IMMP2L: variants seen among roughly 807,000 people sequenced by gnomAD.
IMMP2L encodes the protein mitochondrial inner membrane protease subunit 2.
A neutral mutation model predicts 19.3 loss-of-function variants in IMMP2L; 18 were observed. That is an observed-to-expected ratio of 0.93 (90% CI 0.64 to 1.38). IMMP2L has a LOEUF of 1.38. Ranked by LOEUF, IMMP2L falls within the 40% of genes most tolerant of loss-of-function variation. The probability of loss-of-function intolerance (pLI) is 0.00; values close to 1 mark genes in which losing one functional copy is unlikely to be tolerated. For synonymous variants in IMMP2L, 76 were observed against 73.0 expected (o/e 1.04, Z -0.21); for missense variants, 233 against 218.2 (o/e 1.07, Z -0.43).
intron 5 of IMMP2L, among the ~76,000 whole-genome samples, chr7:110,788,603 C>T (rs989611008): frequency 2.0e-5 from 3 of 151,664 alleles, no homozygotes; most frequent in African/African-American, 7.3e-5. Context: ...AGCATAGAAC[C>T]CTCTTTAATC....
chr7:110,852,208 G>GGATA (rs1247198457), intron 5 of IMMP2L, among the ~76,000 whole-genome samples: 5 of 147,364 alleles, frequency 3.4e-5, no homozygotes, highest in Non-Finnish European at 7.5e-5. Flanking sequence ...AAGGATGGAT[G>GGATA]GATGGATGGA....
chr7:111,370,547 A>G (rs1830174277), intron 3 of IMMP2L, among the ~76,000 whole-genome samples: 1 of 152,032 alleles, frequency 6.6e-6, no homozygotes, highest in African/African-American at 2.4e-5. Flanking sequence ...TGCAGTTGAC[A>G]TAGACGTTAA....
At chr7:111,128,221 AAG>A (rs1801504100) in intron 3 of IMMP2L, among the ~76,000 whole-genome samples, 1 of 152,150 alleles carries the variant, frequency 6.6e-6, no homozygotes. Context: ...TCACAGGAAA[AAG>A]AGAAATAAAT....
Position 111,185,311 on chromosome 7 carries a change from T to C in IMMP2L, c.240-221746A>G, listed in dbSNP as rs184770204. Among the ~76,000 whole-genome samples, 7 of 152,314 alleles carry C rather than the reference T, an allele frequency of 4.6e-5. No individual in the cohort carries two copies. The East Asian group carries it at 1.4e-3, about 29-fold the overall frequency. ...CTGCAAAAATTCCTCATGCTGTGTG[T>C]GTTAATGAGACCCTCCATGGACACC... On this transcript the variant is annotated intron_variant, in intron 3 of 5. Coordinates refer to ENST00000405709, the MANE Select transcript of IMMP2L (RefSeq NM_032549.4).
At chr7:111,256,893 T>A (rs1429968996) in intron 3 of IMMP2L, among the ~76,000 whole-genome samples, 1 of 152,098 alleles carries the variant, frequency 6.6e-6, no homozygotes, top group African/African-American at 2.4e-5. Flanking sequence ...GGTACTTGAC[T>A]AAATAACATC....
At chr7:110,859,779 G>A (rs1807201499) in intron 5 of IMMP2L, among the ~76,000 whole-genome samples, 1 of 151,656 alleles carries the variant, frequency 6.6e-6, no homozygotes, top group Non-Finnish European at 1.5e-5. Flanking sequence ...TTGTTTAGGA[G>A]TATACAGTTG....
At chr7:111,544,015 A>G (rs1848697143) in intron 1 of IMMP2L, among the ~76,000 whole-genome samples, 1 of 152,176 alleles carries the variant, frequency 6.6e-6, no homozygotes, top group Non-Finnish European at 1.5e-5. Flanking sequence ...TAAAGCGACC[A>G]ACATAATACC....
intron 3 of IMMP2L, among the ~76,000 whole-genome samples, chr7:111,179,064 CA>C (rs1204144615): frequency 6.6e-6 from 1 of 151,910 alleles, no homozygotes; most frequent in Non-Finnish European, 1.5e-5. Flanking sequence ...ACTTGAAAGT[CA>C]AAATTCCTCT....
intron 3 of IMMP2L, among the ~76,000 whole-genome samples, chr7:111,156,973 G>A (rs927104509): frequency 2.0e-5 from 3 of 151,942 alleles, no homozygotes; most frequent in Non-Finnish European, 2.9e-5. Context: ...CACTTAAAAG[G>A]TGTTCAATAT....
At chr7:111,511,550 G>C (rs1374145594) in intron 2 of IMMP2L, among the ~76,000 whole-genome samples, 1 of 151,506 alleles carries the variant, frequency 6.6e-6, no homozygotes. Flanking sequence ...TCAGGGGGCT[G>C]AGGCACAAGA....
chr7:111,516,281 T>C (rs571171089), intron 2 of IMMP2L, among the ~76,000 whole-genome samples: 3 of 151,990 alleles, frequency 2.0e-5, no homozygotes, highest in Non-Finnish European at 4.4e-5. Flanking sequence ...GCATGATGTA[T>C]GCAACCTACT....
At chr7:111,079,007 T>C (rs1241608721) in intron 3 of IMMP2L, among the ~76,000 whole-genome samples, 12 of 151,988 alleles carry the variant, frequency 7.9e-5, no homozygotes, top group African/African-American at 2.2e-4. Flanking sequence ...TGGGATTACA[T>C]TGTGGTATTT....
At chr7:110,871,962 G>C (rs1202734551) in intron 5 of IMMP2L, among the ~76,000 whole-genome samples, 3 of 152,016 alleles carry the variant, frequency 2.0e-5, no homozygotes, top group African/African-American at 7.2e-5. Flanking sequence ...GAATAGCCAA[G>C]CAAAGTCTAC....
chr7:111,368,648 T>C (rs1299212651), intron 3 of IMMP2L, among the ~76,000 whole-genome samples: 1 of 152,002 alleles, frequency 6.6e-6, no homozygotes, highest in Non-Finnish European at 1.5e-5. Flanking sequence ...ACCAGATATG[T>C]CTAACAAACT....
intron 3 of IMMP2L, among the ~76,000 whole-genome samples, chr7:111,417,863 T>A (rs1371068675): frequency 6.6e-6 from 1 of 151,894 alleles, no homozygotes; most frequent in African/African-American, 2.4e-5. Context: ...ATAGAACTTT[T>A]CAGACACTGC....
At chr7:111,534,963 A>G (rs1434481311) in intron 1 of IMMP2L, among the ~76,000 whole-genome samples, 1 of 152,166 alleles carries the variant, frequency 6.6e-6, no homozygotes, top group Non-Finnish European at 1.5e-5. Context: ...GATGACTTTA[A>G]GGACCTACAA....
At chr7:111,507,856 T>C (rs979314316) in intron 2 of IMMP2L, among the ~76,000 whole-genome samples, 3 of 152,142 alleles carry the variant, frequency 2.0e-5, no homozygotes, top group African/African-American at 7.2e-5. Context: ...CCAGGATGCT[T>C]CATTTATTCT....
At chr7:110,843,806 C>T (rs1020971849) in intron 5 of IMMP2L, among the ~76,000 whole-genome samples, 9 of 152,112 alleles carry the variant, frequency 5.9e-5, no homozygotes, top group Admixed American at 2.6e-4. Context: ...AGGAACTTCT[C>T]TTGGCTAACC....
intron 3 of IMMP2L, among the ~76,000 whole-genome samples, chr7:111,218,401 C>T (rs1285908352): frequency 6.6e-6 from 1 of 151,844 alleles, no homozygotes; most frequent in Non-Finnish European, 1.5e-5. Flanking sequence ...TGTTGTATCG[C>T]CTACATTTAA....
Sources: allele counts gnomAD v4.1 joint callset (sites outside exome capture counted in the v4.1 genomes callset), GRCh38; gene constraint gnomAD v4.1.1; transcripts MANE v1.5; gene names NCBI Gene and HGNC (gene_info 2026-07-23, HGNC 2026-07-21).